The following MYH3 variants were observed in gnomAD, a reference collection of about 807,000 sequenced individuals.
MYH3 encodes myosin-3.
In MYH3, 130 loss-of-function variants were observed where a neutral mutation model predicts 238.0. That is an observed-to-expected ratio of 0.55 (90% CI 0.47 to 0.63). The LOEUF (loss-of-function observed/expected upper bound fraction) is 0.63. MYH3 is among the 30% of genes least tolerant of loss of function. The pLI is 0.00. For synonymous variants in MYH3, 880 were observed against 924.1 expected (o/e 0.95, Z 0.86); for missense variants, 1,853 against 2,374.9 (o/e 0.78, Z 4.57).
chr17:10,652,519 G>C lies in MYH3; in HGVS notation c.249C>G (p.Pro83=). 2 of 1,611,552 alleles carry C rather than the reference G, an allele frequency of 1.2e-6. No individual in the cohort carries two copies. The highest frequency in any genetic ancestry group is 1.7e-6 in the Non-Finnish European group (2 of 1,178,622). Residue 83 remains proline, a synonymous_variant, in exon 4 of 41, where the codon CCC becomes CCG. Transcript: ENST00000583535. ...CCATGTCTTCGATCCTGTCGAACTT[G>C]GGGGGGTTCATGGCGTACACATCCT... ...KPEDVYAMNP[P]KFDRIEDMAM... is the part of the protein sequence containing the mutation.
chr17:10,650,263 A>C (rs1202974415), intron 6 of MYH3, 111 bp downstream of exon 6: 3 of 1,124,770 alleles, frequency 2.7e-6, no homozygotes, highest in Non-Finnish European at 4.0e-6. Flanking sequence ...GGTGTCAGCC[A>C]CCGCGCCCAG....
intron 19 of MYH3, 93 bp downstream of exon 19, chr17:10,640,992 G>T: frequency 9.2e-7 from 1 of 1,086,144 alleles, no homozygotes; most frequent in Admixed American, 1.7e-5. Context: ...CTGTTCTTTC[G>T]AAATAGGTCT....
At chr17:10,662,759 C>T in the MYH3 span, among the ~76,000 whole-genome samples, 1 of 152,094 alleles carries the variant, frequency 6.6e-6, no homozygotes, top group South Asian at 2.1e-4. Context: ...CTTGATCATT[C>T]CTCCTACCTT....
rs1338800623 is a variant in MYH3 at position 10,629,731 on chromosome 17, C to T, written c.5662G>A (p.Glu1888Lys). 1.9e-6 allele frequency: 3 copies of T among 1,614,214 alleles called. No homozygotes were observed. The highest frequency in any genetic ancestry group is 2.5e-6 in the Non-Finnish European group (3 of 1,180,042). The change falls in exon 40 of 41, where the codon GAA (glutamate) becomes AAA (lysine). Residue 1888 changes from glutamate to lysine, a missense_variant. Physicochemically the swap from Glu to Lys is moderately conservative, Grantham distance 56. Coordinates refer to ENST00000583535, the MANE Select transcript of MYH3 (RefSeq NM_002470.4). Reference sequence around the variant, plus strand: ...TTGGTGAGATGAGCATTGGCTTGTTCATCCTAAAACCAAAGAGCCCAGGCA... The same window carrying T: ...TTGGTGAGATGAGCATTGGCTTGTTTATCCTAAAACCAAAGAGCCCAGGCA... Reference protein sequence around the residue: ...SYKRQAEEADEQANAHLTKFR... With the variant: ...SYKRQAEEADKQANAHLTKFR...
intron 36 of MYH3, among the ~76,000 whole-genome samples, chr17:10,630,725 C>A (rs1597480650): frequency 6.6e-6 from 1 of 152,172 alleles, no homozygotes. Flanking sequence ...GTGGCAGATG[C>A]CCGTATTCCC....
chr17:10,631,766 T>C (rs754143158), intron 35 of MYH3, 30 bp from the exon 36 acceptor site: 3 of 1,614,084 alleles, frequency 1.9e-6, no homozygotes, highest in Non-Finnish European at 2.5e-6. Context: ...GTTAACCAGG[T>C]GCGTATGAGG....
chr17:10,651,469 A>C (rs1254617092), intron 5 of MYH3, 43 bp downstream of exon 5: 1 of 1,611,942 alleles, frequency 6.2e-7, no homozygotes, highest in Non-Finnish European at 8.5e-7. Context: ...CGCCTCATGC[A>C]GTGCCTGCTC....
chr17:10,641,186 G>A lies in MYH3; in HGVS notation c.2064C>T (p.Ser688=). The A allele has an allele frequency of 3.1e-6, 5 of 1,614,098 alleles. No homozygotes were observed. The highest frequency in any genetic ancestry group is 2.2e-5 in the East Asian group (1 of 44,882). Reference sequence around the variant, plus strand: ...TACACCGCAGCTGGTGCAGAACAAGGCTGTGTTCCATAGCCCCTGGGAACA... The same window carrying A: ...TACACCGCAGCTGGTGCAGAACAAGACTGTGTTCCATAGCCCCTGGGAACA... ...ETKTPGAMEH[S]LVLHQLRCNG... The change falls in exon 19 of 41, where the codon AGC becomes AGT. Residue 688 remains serine, a synonymous_variant. Coordinates refer to ENST00000583535, the MANE Select transcript of MYH3 (RefSeq NM_002470.4).
At chr17:10,653,567 T>C (rs554281041) in intron 3 of MYH3, among the ~76,000 whole-genome samples, 2 of 152,252 alleles carry the variant, frequency 1.3e-5, no homozygotes, top group Admixed American at 6.5e-5. Context: ...GCACCTGCAC[T>C]TCTCTCAGCA....
intron 10 of MYH3, 36 bp downstream of exon 10, chr17:10,647,146 T>A: frequency 6.6e-7 from 1 of 1,507,652 alleles, no homozygotes; most frequent in Non-Finnish European, 9.2e-7. Flanking sequence ...AGAGTCAAAC[T>A]ACCTAAAAGA....
Position 10,640,629 on chromosome 17 carries a change from T to C in MYH3, c.2223A>G (p.Lys741=), listed in dbSNP as rs893381059. 6 of 1,614,236 alleles carry C rather than the reference T, an allele frequency of 3.7e-6. No homozygotes were observed. The highest frequency in any genetic ancestry group is 5.1e-6 in the Non-Finnish European group (6 of 1,180,024). ...IPEGQFIDSK[K]ACEKLLASID... is the part of the protein sequence containing the mutation. ...TGGATGCCAGAAGCTTTTCACAGGCTTTCTTGCTGTCAATGAATTGTCCCT... is the reference window on the plus strand; with the variant it reads ...TGGATGCCAGAAGCTTTTCACAGGCCTTCTTGCTGTCAATGAATTGTCCCT... Residue 741 remains lysine (K), a synonymous_variant, in exon 20 of 41, where the codon AAA becomes AAG. Coordinates refer to ENST00000583535, the MANE Select transcript of MYH3 (RefSeq NM_002470.4).
chr17:10,629,485 T>C, intron 40 of MYH3, 112 bp downstream of exon 40: 1 of 1,429,488 alleles, frequency 7.0e-7, no homozygotes, highest in East Asian at 2.3e-5. Context: ...GCACTTTCTC[T>C]TCCTGAGCCT....
Position 10,632,597 on chromosome 17 carries a change from G to T in MYH3, c.4835C>A (p.Ala1612Asp), listed in dbSNP as rs200742932. The change falls in exon 34 of 41, where the codon GCC becomes GAC. Residue 1612 changes from alanine (A) to aspartate (D), a missense_variant. This residue lies in a region of MYH3 where 1,044 missense variants were observed against 1,192.6 expected (regional missense o/e 0.88). Coordinates refer to ENST00000583535, the MANE Select transcript of MYH3 (RefSeq NM_002470.4). ...LDAEVRSRNE[A>D]IRLKKKMEGD... is the part of the protein sequence containing the mutation. Reference sequence around the variant, plus strand: ...CTCCATCTTCTTCTTGAGCCGGATGGCTTCATTCCTGCTCCGCACCTCGGC... The same window carrying T: ...CTCCATCTTCTTCTTGAGCCGGATGTCTTCATTCCTGCTCCGCACCTCGGC... 1 of 1,614,140 alleles carries T rather than the reference G, an allele frequency of 6.2e-7. No individual in the cohort carries two copies. Among genetic ancestry groups the T allele is most frequent in the African/African-American group, 1.3e-5 (1 of 75,020 alleles).
chr17:10,652,058 A>T, intron 4 of MYH3: 1 of 388,776 alleles, frequency 2.6e-6, no homozygotes, highest in Non-Finnish European at 4.9e-6. Flanking sequence ...TTATTATCTC[A>T]TGTTTCTTTG....
rs987777910 is a variant in MYH3, at chr17:10,654,435, A to G, written c.204+426T>C. Reference sequence around the variant, plus strand: ...TATTTCACTGAGCTTGTGGTCCCCTAGGATCCCTAACACATTTTCCTTACT... The same window carrying G: ...TATTTCACTGAGCTTGTGGTCCCCTGGGATCCCTAACACATTTTCCTTACT... On this transcript the variant is annotated intron_variant, in intron 3 of 40. Coordinates refer to ENST00000583535, the MANE Select transcript of MYH3 (RefSeq NM_002470.4). This position sits in a 1 kb window ranked among gnomAD's most constrained non-coding sequence, Gnocchi z 4.5. 2.0e-4 allele frequency among the ~76,000 whole-genome samples: 30 copies of G among 152,268 alleles called. No homozygotes were observed. Among genetic ancestry groups the G allele is most frequent in the African/African-American group, 6.0e-4 (25 of 41,576 alleles).
At chr17:10,672,625 C>T in the MYH3 span, 1 of 152,172 alleles carries the variant, frequency 6.6e-6, no homozygotes, top group Admixed American at 6.5e-5. Flanking sequence ...TCCCCTCCTG[C>T]CCCTGGCAAT....
Position 10,628,672 on chromosome 17 carries a change from A to T in MYH3, c.5804T>A (p.Val1935Asp), listed in dbSNP as rs886052577. ...GCTGGCTCACTCTTCACTCTCGTGG[A>T]CCACCATCTAGGAAGAAAGTAGGCA... ...TRDFTSSRMV[V>D]HESEE The change falls in exon 41 of 41, where the codon GTC becomes GAC. Residue 1935 changes from valine (V) to aspartate (D), a missense_variant. Val to Asp is a radical substitution (Grantham distance 152). Transcript: ENST00000583535. 1 of 1,614,190 alleles carries T rather than the reference A, an allele frequency of 6.2e-7. No individual in the cohort carries two copies. Among genetic ancestry groups the T allele is most frequent in the South Asian group, 1.1e-5 (1 of 91,084 alleles).
chr17:10,633,537 G>T, intron 33 of MYH3, 54 bp downstream of exon 33: 1 of 1,607,034 alleles, frequency 6.2e-7, no homozygotes, highest in South Asian at 1.1e-5. Flanking sequence ...CAGCCTCCCT[G>T]GCCGTGGCTC....
the MYH3 span, among the ~76,000 whole-genome samples, chr17:10,667,696 AAAG>A: frequency 1.3e-5 from 2 of 151,718 alleles, no homozygotes; most frequent in African/African-American, 2.4e-5. Flanking sequence ...AAAAAAAAAA[AAAG>A]AATTAGAAAG....
Sources: allele counts gnomAD v4.1 joint callset (sites outside exome capture counted in the v4.1 genomes callset), GRCh38; gene constraint gnomAD v4.1.1; regional missense constraint gnomAD v4.1.1; non-coding constraint Gnocchi (gnomAD v3.1); transcripts MANE v1.5; gene names NCBI Gene and HGNC (gene_info 2026-07-23, HGNC 2026-07-21).